The following CHST15 variants were observed in gnomAD, a reference collection of about 807,000 sequenced individuals.
CHST15 encodes carbohydrate sulfotransferase 15.
Under a neutral mutation model 53.6 loss-of-function variants are expected in CHST15, and 30 were observed. The observed-to-expected ratio is 0.56, with a 90% CI of 0.42 to 0.76. The LOEUF (loss-of-function observed/expected upper bound fraction) is 0.76. Among genes scored for constraint, CHST15 ranks in the 30% least tolerant of loss-of-function variants. The probability of loss-of-function intolerance (pLI) is 0.00; values close to 1 mark genes in which losing one functional copy is unlikely to be tolerated. For missense variants in CHST15, 627 were observed against 740.5 expected, an observed-to-expected ratio of 0.85 and a Z score of 1.78; for synonymous variants, 296 against 289.8, an observed-to-expected ratio of 1.02 and a Z score of -0.22.
intron 2 of CHST15, 72 bp from the exon 3 acceptor site, chr10:124,044,991 G>A (rs1287272904): frequency 5.7e-6 from 6 of 1,047,486 alleles, no homozygotes; most frequent in South Asian, 2.6e-5. Flanking sequence ...ACCGCAATGG[G>A]AACCTGCCCT....
At chr10:124,052,119 A>G (rs1326240102) in intron 1 of CHST15, among the ~76,000 whole-genome samples, 1 of 152,218 alleles carries the variant, frequency 6.6e-6, no homozygotes, top group African/African-American at 2.4e-5. Flanking sequence ...ACCTTTACTA[A>G]AACACAAAGC....
At chr10:124,075,055 C>T (rs1207226809) in intron 1 of CHST15, among the ~76,000 whole-genome samples, 1 of 152,246 alleles carries the variant, frequency 6.6e-6, no homozygotes. Flanking sequence ...CAAGTTCTCT[C>T]AGACTCCTAC....
chr10:124,028,122 T>C (rs1204108436), intron 5 of CHST15, among the ~76,000 whole-genome samples: 2 of 152,242 alleles, frequency 1.3e-5, no homozygotes, highest in Non-Finnish European at 2.9e-5. Context: ...GGAACTCCAA[T>C]GCCACGGTCG....
At chr10:124,010,536 C>A in intron 7 of CHST15, 197 bp from the exon 8 acceptor site, 1 of 985,464 alleles carries the variant, frequency 1.0e-6, no homozygotes, top group Non-Finnish European at 1.2e-6. Context: ...CAGGAAATTG[C>A]GAAGAAATTC....
chr10:124,088,086 G>C (rs962900775), intron 1 of CHST15, among the ~76,000 whole-genome samples: 9 of 152,230 alleles, frequency 5.9e-5, no homozygotes, highest in Non-Finnish European at 8.8e-5. Flanking sequence ...CTCCGGGGCT[G>C]AAGAATATCA....
At chr10:124,080,207 AGAG>A (rs2134207687) in intron 1 of CHST15, among the ~76,000 whole-genome samples, 1 of 152,368 alleles carries the variant, frequency 6.6e-6, no homozygotes, top group African/African-American at 2.4e-5. Flanking sequence ...AGGATGCAGA[AGAG>A]AAGAAAATCA....
chr10:124,065,512 C>T (rs758441782), intron 1 of CHST15, among the ~76,000 whole-genome samples: 2 of 152,220 alleles, frequency 1.3e-5, no homozygotes, highest in Non-Finnish European at 2.9e-5. Context: ...TCACCCAACC[C>T]TGCTGTGGGA....
intron 1 of CHST15, among the ~76,000 whole-genome samples, chr10:124,049,055 G>A (rs1401955625): frequency 6.6e-6 from 1 of 152,202 alleles, no homozygotes; most frequent in Non-Finnish European, 1.5e-5. Flanking sequence ...GGCAATTCGA[G>A]ATGCTGCAAG....
chr10:124,028,225 G>A (rs900812801), intron 5 of CHST15, among the ~76,000 whole-genome samples: 2 of 152,176 alleles, frequency 1.3e-5, no homozygotes, highest in African/African-American at 4.8e-5. Context: ...TCATGAAGCC[G>A]GAACACACTG....
At chr10:124,042,721 C>T (rs529923540) in intron 3 of CHST15, among the ~76,000 whole-genome samples, 1 of 152,184 alleles carries the variant, frequency 6.6e-6, no homozygotes, top group Non-Finnish European at 1.5e-5. Context: ...GGAACACCTA[C>T]TCAAGAGCTA....
chr10:124,038,444 CA>C, intron 5 of CHST15, 70 bp downstream of exon 5: 1 of 1,546,436 alleles, frequency 6.5e-7, no homozygotes, highest in Non-Finnish European at 8.9e-7. Flanking sequence ...TCTTATTTGT[CA>C]TGAGAGGGGA....
chr10:124,038,649 C>T lies in CHST15; in HGVS notation c.1056G>A (p.Met352Ile). The change falls in exon 5 of 8, where the codon ATG becomes ATA. Residue 352 changes from methionine to isoleucine, a missense_variant. Physicochemically the swap from Met to Ile is conservative, Grantham distance 10. Around this residue, in one of 3 missense-constraint regions of CHST15, gnomAD observed 279 missense variants for 371.6 expected, o/e 0.75. Coordinates refer to ENST00000435907, the MANE Select transcript of CHST15 (RefSeq NM_001270764.2). ...IIIGEASAST[M>I]WDNNAWTFFY... ...AGAACGTCCAGGCATTATTATCCCACATCGTGGAGGCACTGGCCTCCCCTG... is the reference window on the plus strand; with the variant it reads ...AGAACGTCCAGGCATTATTATCCCATATCGTGGAGGCACTGGCCTCCCCTG... The T allele has an allele frequency of 6.2e-7, 1 of 1,614,182 alleles. No homozygotes were observed. The highest frequency in any genetic ancestry group is 8.5e-7 in the Non-Finnish European group (1 of 1,180,040).
At chr10:124,057,851 CGA>C (rs1272428598) in intron 1 of CHST15, among the ~76,000 whole-genome samples, 3 of 152,102 alleles carry the variant, frequency 2.0e-5, no homozygotes, top group African/African-American at 7.2e-5. Flanking sequence ...TGCAACCACC[CGA>C]GATATGGGCC....
intron 1 of CHST15, among the ~76,000 whole-genome samples, chr10:124,089,030 G>A (rs778472455): frequency 1.3e-5 from 2 of 152,206 alleles, no homozygotes; most frequent in Non-Finnish European, 2.9e-5. Context: ...GGCCAATGAA[G>A]AAATGCCTTG....
At chr10:124,072,327 T>C (rs780576314) in intron 1 of CHST15, among the ~76,000 whole-genome samples, 30 of 152,162 alleles carry the variant, frequency 2.0e-4, no homozygotes, top group Non-Finnish European at 3.8e-4. Flanking sequence ...TCCTGTGTGG[T>C]TGGGGAGACC....
rs985817086 is a variant in CHST15, at chr10:124,019,831, C to T, written c.1347+1425G>A. 2.1e-5 allele frequency: 21 copies of T among 985,700 alleles called. No homozygotes were observed. The highest frequency in any genetic ancestry group is 5.2e-4 in the Middle Eastern group (1 of 1,916). The allele number at this position is 985,700 out of a possible 1,614,324, so 61.1% of individuals were successfully genotyped here. ...CCAGGTGGTGCGGCCCCATGTGCCA[C>T]GCACCCAAGCCCCCTGCCTCAGTGC... On this transcript the variant is annotated intron_variant, in intron 6 of 7. Transcript: ENST00000435907. This position sits in a 1 kb window ranked among gnomAD's most constrained non-coding sequence, Gnocchi z 4.6.
chr10:124,058,209 C>T (rs956796264), intron 1 of CHST15, among the ~76,000 whole-genome samples: 5 of 152,154 alleles, frequency 3.3e-5, no homozygotes, highest in Non-Finnish European at 7.3e-5. Flanking sequence ...TGCCGAGAAG[C>T]GCGTCTACCA....
At chr10:124,058,477 T>C (rs1948456471) in intron 1 of CHST15, among the ~76,000 whole-genome samples, 1 of 152,160 alleles carries the variant, frequency 6.6e-6, no homozygotes. Flanking sequence ...GACTCACCAG[T>C]GGTGGGGCCA....
At chr10:124,049,666 C>G (rs1346508560) in intron 1 of CHST15, among the ~76,000 whole-genome samples, 1 of 152,202 alleles carries the variant, frequency 6.6e-6, no homozygotes, top group Non-Finnish European at 1.5e-5. Flanking sequence ...CACACACCCT[C>G]CTCCACCATA....
Sources: allele counts gnomAD v4.1 joint callset (sites outside exome capture counted in the v4.1 genomes callset), GRCh38; gene constraint gnomAD v4.1.1; regional missense constraint gnomAD v4.1.1; non-coding constraint Gnocchi (gnomAD v3.1); transcripts MANE v1.5; gene names NCBI Gene and HGNC (gene_info 2026-07-23, HGNC 2026-07-21).